Variants in CDC37L1 observed in about 807,000 individuals in gnomAD.
CDC37L1 encodes the protein hsp90 co-chaperone Cdc37-like 1.
A neutral mutation model predicts 45.9 loss-of-function variants in CDC37L1; 32 were observed. That is an observed-to-expected ratio of 0.70 (90% confidence interval 0.53 to 0.94). The LOEUF (loss-of-function observed/expected upper bound fraction) is 0.94. Ranked by LOEUF, CDC37L1 falls within the 40% of genes least tolerant of loss-of-function variation. CDC37L1 has a pLI of 0.00. For missense variants in CDC37L1, 434 were observed against 405.7 expected, an observed-to-expected ratio of 1.07 and a Z score of -0.60; for synonymous variants, 150 against 133.0, an observed-to-expected ratio of 1.13 and a Z score of -0.88.
chr9:4,679,683 G>A lies in CDC37L1; in HGVS notation c.-85G>A. The A allele has an allele frequency of 7.5e-7, 1 of 1,329,272 alleles. No homozygotes were observed. The highest frequency in any genetic ancestry group is 1.4e-5 in the South Asian group (1 of 69,154). The allele number at this position is 1,329,272 out of a possible 1,614,324, so 82.3% of individuals were successfully genotyped here. On this transcript the variant is annotated 5_prime_UTR_variant, in exon 1 of 7. Coordinates refer to ENST00000381854, the MANE Select transcript of CDC37L1 (RefSeq NM_017913.4). ...GACCCCCGGCTGGGCTTCTGGCTCG[G>A]CGCAGCAGGTTCCATTCACGCCAAG...
At chr9:4,692,301 C>T (rs913815151) in intron 3 of CDC37L1, among the ~76,000 whole-genome samples, 2 of 151,250 alleles carry the variant, frequency 1.3e-5, no homozygotes, top group African/African-American at 4.9e-5. Flanking sequence ...CGAAATCTCG[C>T]TCTTGTCCCC....
chr9:4,693,368 A>G (rs7039213), intron 3 of CDC37L1, among the ~76,000 whole-genome samples: 48,405 of 151,768 alleles, frequency 0.32, 8,499 homozygotes, highest in African/African-American at 0.48. Flanking sequence ...TCTTGAGCCC[A>G]GGAGGTTGAG....
chr9:4,703,898 T>G (rs16921873), intron 6 of CDC37L1, among the ~76,000 whole-genome samples: 6,165 of 152,290 alleles, frequency 0.04, 424 homozygotes, highest in African/African-American at 0.14. Context: ...TCAGATTTAA[T>G]TAAGCTGGGC....
Position 4,706,195 on chromosome 9 carries a change from G to A in CDC37L1, c.*83G>A. ...CTATTTTCTTGACACTTTTATGGGTGCTGCACTTTATTTTTGTTCGGTTTT... is the reference window on the plus strand; with the variant it reads ...CTATTTTCTTGACACTTTTATGGGTACTGCACTTTATTTTTGTTCGGTTTT... On this transcript the variant is annotated 3_prime_UTR_variant, in exon 7 of 7. Coordinates refer to ENST00000381854, the MANE Select transcript of CDC37L1 (RefSeq NM_017913.4). The A allele has an allele frequency of 1.6e-6, 1 of 632,126 alleles. No homozygotes were observed. The highest frequency in any genetic ancestry group is 2.7e-5 in the East Asian group (1 of 37,570). The allele number at this position is 632,126 out of a possible 1,614,324, so 39.2% of individuals were successfully genotyped here. A position where few individuals can be genotyped will look rare whatever the true frequency, so the allele number is the denominator to read the frequency against.
intron 6 of CDC37L1, among the ~76,000 whole-genome samples, chr9:4,705,681 T>G (rs1231643514): frequency 2.0e-5 from 3 of 152,204 alleles, no homozygotes; most frequent in Non-Finnish European, 4.4e-5. Flanking sequence ...CATATTTAAA[T>G]TATCAGTAGC....
intron 5 of CDC37L1, among the ~76,000 whole-genome samples, chr9:4,698,212 T>C (rs1412611555): frequency 6.6e-6 from 1 of 151,988 alleles, no homozygotes; most frequent in Non-Finnish European, 1.5e-5. Flanking sequence ...GGATGCATTA[T>C]TGAGCAAAAT....
intron 3 of CDC37L1, among the ~76,000 whole-genome samples, chr9:4,693,797 C>G (rs1214086676): frequency 3.3e-5 from 5 of 152,170 alleles, no homozygotes; most frequent in East Asian, 1.9e-4. Flanking sequence ...AGGCACTGTT[C>G]TAAGTGCTTT....
Position 4,701,893 on chromosome 9 carries a change from C to A in CDC37L1, c.777C>A (p.Phe259Leu). 6.2e-7 allele frequency: 1 copy of A among 1,601,404 alleles called. No individual in the cohort carries two copies. The highest frequency in any genetic ancestry group is 8.5e-7 in the Non-Finnish European group (1 of 1,175,222). ...AGGAAGAAGGTTATTTTGAAGCATT[C>A]AAAAATGAACTTGAAGCTTTCAAGT... ...KAEEEGYFEA[F>L]KNELEAFKSR... Residue 259 changes from phenylalanine to leucine, a missense_variant, in exon 6 of 7, where the codon TTC becomes TTA. Physicochemically the swap from Phe to Leu is conservative, Grantham distance 22. Transcript: ENST00000381854.
In CDC37L1 at chr9:4,702,177, A is replaced by G. The variant is rs191236487; in HGVS notation, c.912+149A>G. 22 of 454,002 alleles carry G rather than the reference A, an allele frequency of 4.8e-5. No individual in the cohort carries two copies. The East Asian group carries it at 7.1e-4, about 15-fold the overall frequency. 28.1% of individuals were successfully genotyped at this position (454,002 alleles called of 1,614,324 possible). ...TAACTGTTGAATCTTACTTCATGCCATGTTTTGGTGCTGAATCTCACCTCT... is the reference window on the plus strand; with the variant it reads ...TAACTGTTGAATCTTACTTCATGCCGTGTTTTGGTGCTGAATCTCACCTCT... On this transcript the variant is annotated intron_variant, in intron 6 of 6. Coordinates refer to ENST00000381854, the MANE Select transcript of CDC37L1 (RefSeq NM_017913.4).
chr9:4,702,768 A>C (rs1313778563), intron 6 of CDC37L1, among the ~76,000 whole-genome samples: 1 of 151,714 alleles, frequency 6.6e-6, no homozygotes, highest in Non-Finnish European at 1.5e-5. Flanking sequence ...AGGCACCTGC[A>C]GTCCCAGCTA....
chr9:4,688,034 G>T (rs1422516607), intron 2 of CDC37L1, among the ~76,000 whole-genome samples: 3 of 152,144 alleles, frequency 2.0e-5, no homozygotes, highest in Non-Finnish European at 2.9e-5. Context: ...GTCTTGTTCT[G>T]TCGCCTGGGC....
intron 2 of CDC37L1, 106 bp from the exon 3 acceptor site, chr9:4,688,407 A>T (rs1587617349): frequency 4.8e-6 from 3 of 624,220 alleles, no homozygotes; most frequent in Non-Finnish European, 7.8e-6. Flanking sequence ...ATGATACTAT[A>T]CCACATATAT....
At chr9:4,697,056 A>G in intron 3 of CDC37L1, 40 bp from the exon 4 acceptor site, 1 of 848,874 alleles carries the variant, frequency 1.2e-6, no homozygotes, top group South Asian at 1.5e-5. Context: ...GGGAAGAAAG[A>G]AAATATTTGA....
At chr9:4,696,767 A>G (rs1180397931) in intron 3 of CDC37L1, among the ~76,000 whole-genome samples, 1 of 152,230 alleles carries the variant, frequency 6.6e-6, no homozygotes, top group Non-Finnish European at 1.5e-5. Context: ...TTACATAACT[A>G]ACTCTCAATT....
intron 1 of CDC37L1, 118 bp downstream of exon 1, chr9:4,680,017 G>T: frequency 7.5e-7 from 1 of 1,325,710 alleles, no homozygotes; most frequent in Non-Finnish European, 1.0e-6. Flanking sequence ...CACTGCCAGG[G>T]GCCGGGGACC....
At chr9:4,699,926 A>T (rs958762466) in intron 5 of CDC37L1, among the ~76,000 whole-genome samples, 4 of 152,174 alleles carry the variant, frequency 2.6e-5, no homozygotes, top group Non-Finnish European at 5.9e-5. Context: ...TGAAATTATA[A>T]ATAATTTCCG....
In CDC37L1 at chr9:4,697,896, T is replaced by A. The variant is rs748603313; in HGVS notation, c.747+17T>A. ...AAAGCCAAAGTAAGTAGTTATTTGA[T>A]ATTGATAAATGGGAAGATTTGGTCC... On this transcript the variant is annotated intron_variant, in intron 5 of 6. Coordinates refer to ENST00000381854, the MANE Select transcript of CDC37L1 (RefSeq NM_017913.4). 1.6e-5 allele frequency: 26 copies of A among 1,611,742 alleles called. No homozygotes were observed. The highest frequency in any genetic ancestry group is 3.3e-5 in the Admixed American group (2 of 59,926).
chr9:4,697,722 A>T (rs776512488), intron 4 of CDC37L1, 35 bp from the exon 5 acceptor site: 1 of 1,010,818 alleles, frequency 9.9e-7, no homozygotes. Context: ...ATATATTTAT[A>T]TATTTGTTTC....
chr9:4,689,009 G>T (rs1268565550), intron 3 of CDC37L1, among the ~76,000 whole-genome samples: 1 of 151,988 alleles, frequency 6.6e-6, no homozygotes, highest in South Asian at 2.1e-4. Context: ...AATTCAGGCA[G>T]ATCCTTGAAC....
Sources: allele counts gnomAD v4.1 joint callset (sites outside exome capture counted in the v4.1 genomes callset), GRCh38; gene constraint gnomAD v4.1.1; transcripts MANE v1.5; gene names NCBI Gene and HGNC (gene_info 2026-07-23, HGNC 2026-07-21).